KIF21A: variants seen among roughly 807,000 people sequenced by gnomAD.
KIF21A encodes the protein kinesin family member 21A, also known as kinesin-like protein KIF21A.
In KIF21A, 114 loss-of-function variants were observed where a neutral mutation model predicts 202.9. The ratio of observed to expected loss-of-function variants is 0.56; its 90% CI spans 0.48 to 0.66. The LOEUF is 0.66. KIF21A is among the 30% of genes least tolerant of loss of function. The pLI is 0.00. For synonymous variants in KIF21A, 667 were observed against 670.8 expected (o/e 0.99, Z 0.09); for missense variants, 1,677 against 1,994.9 (o/e 0.84, Z 3.04).
At chr12:39,303,251 A>T in intron 35 of KIF21A, 116 bp from the exon 36 acceptor site, 1 of 828,570 alleles carries the variant, frequency 1.2e-6, no homozygotes. Context: ...TTGTTTTGTT[A>T]TCTATTGTTT....
chr12:39,340,665 A>G (rs1947365644), intron 15 of KIF21A, among the ~76,000 whole-genome samples: 1 of 152,166 alleles, frequency 6.6e-6, no homozygotes, highest in South Asian at 2.1e-4. Flanking sequence ...ATGAAAAAAC[A>G]AAACAAATAA....
chr12:39,434,241 G>A (rs1033559770), intron 1 of KIF21A, among the ~76,000 whole-genome samples: 3 of 152,150 alleles, frequency 2.0e-5, no homozygotes, highest in Non-Finnish European at 2.9e-5. Flanking sequence ...GAGAACAAGA[G>A]GGGACTAAAC....
intron 15 of KIF21A, 111 bp from the exon 16 acceptor site, chr12:39,340,475 C>T (rs1050757895): frequency 5.3e-6 from 4 of 752,998 alleles, no homozygotes; most frequent in African/African-American, 5.3e-5. Flanking sequence ...ACACCCACAT[C>T]TCAGAAGACT....
At chr12:39,427,859 A>G (rs1463587051) in intron 1 of KIF21A, among the ~76,000 whole-genome samples, 1 of 152,132 alleles carries the variant, frequency 6.6e-6, no homozygotes, top group African/African-American at 2.4e-5. Context: ...GGGTTTCACC[A>G]TGTTGGCCAG....
chr12:39,347,808 T>A (rs1440652603), intron 11 of KIF21A, among the ~76,000 whole-genome samples: 1 of 152,054 alleles, frequency 6.6e-6, no homozygotes, highest in East Asian at 1.9e-4. Flanking sequence ...TACAAATCAG[T>A]GCAGTCTGAT....
At chr12:39,415,124 C>G (rs1286836145) in intron 1 of KIF21A, among the ~76,000 whole-genome samples, 1 of 150,672 alleles carries the variant, frequency 6.6e-6, no homozygotes, top group Non-Finnish European at 1.5e-5. Flanking sequence ...TTCAACAGAA[C>G]TGAGTTCCTG....
chr12:39,307,819 G>T, intron 33 of KIF21A, 90 bp from the exon 34 acceptor site: 1 of 1,056,196 alleles, frequency 9.5e-7, no homozygotes, highest in South Asian at 1.3e-5. Context: ...CTGGCTGTAG[G>T]CAACAACAAG....
At chr12:39,434,236 C>T (rs1354685226) in intron 1 of KIF21A, among the ~76,000 whole-genome samples, 1 of 152,128 alleles carries the variant, frequency 6.6e-6, no homozygotes, top group Non-Finnish European at 1.5e-5. Flanking sequence ...CACAAGAGAA[C>T]AAGAGGGGAC....
chr12:39,439,260 C>T (rs549165368), intron 1 of KIF21A, among the ~76,000 whole-genome samples: 1 of 152,236 alleles, frequency 6.6e-6, no homozygotes, highest in East Asian at 1.9e-4. Context: ...TAAATGTATT[C>T]CTCACATTTT....
At chr12:39,352,271 AG>A (rs1259530655) in intron 10 of KIF21A, among the ~76,000 whole-genome samples, 1 of 152,160 alleles carries the variant, frequency 6.6e-6, no homozygotes, top group Non-Finnish European at 1.5e-5. Context: ...GCAATAAGGC[AG>A]GAACATTTTA....
At chr12:39,325,719 T>C in intron 26 of KIF21A, 120 bp downstream of exon 26, 1 of 723,698 alleles carries the variant, frequency 1.4e-6, no homozygotes, top group Non-Finnish European at 2.4e-6. Flanking sequence ...AAAGAAGAGC[T>C]TTAGTAAAAC....
At chr12:39,318,330 T>A in intron 28 of KIF21A, 129 bp from the exon 29 acceptor site, 1 of 879,390 alleles carries the variant, frequency 1.1e-6, no homozygotes, top group South Asian at 1.5e-5. Context: ...TTCTTCCTTT[T>A]TTGTAAGATA....
chr12:39,309,779 C>A lies in KIF21A; in HGVS notation c.4097-13G>T, dbSNP rs777651712. ...TTACAAGTACGATCTAAAACAAACACATAAAAAAAAGAAAACACCATTAAT... is the reference window on the plus strand; with the variant it reads ...TTACAAGTACGATCTAAAACAAACAAATAAAAAAAAGAAAACACCATTAAT... On this transcript the variant is annotated splice_polypyrimidine_tract_variant and intron_variant, in intron 32 of 37. Transcript: ENST00000361418. 1.2e-6 allele frequency: 2 copies of A among 1,608,902 alleles called. No homozygotes were observed. Among genetic ancestry groups the A allele is most frequent in the Non-Finnish European group, 1.7e-6 (2 of 1,177,406 alleles).
rs1491128154 is a variant in KIF21A at position 39,416,603 on chromosome 12, A to ATATATATGTG, written c.44+26323_44+26324insCACATATATA. On this transcript the variant is annotated intron_variant, in intron 1 of 37. Coordinates refer to ENST00000361418, the MANE Select transcript of KIF21A (RefSeq NM_001173464.2). ...AGAGTGAGATCCGCCTTAAATATAC[A>ATATATATGTG]TATATATATATATGTACATATATAT... 9.3e-4 allele frequency among the ~76,000 whole-genome samples: 60 copies of ATATATATGTG among 64,276 alleles called. 1 individual carries two copies. The highest frequency in any genetic ancestry group is 9.1e-3 in the African/African-American group (54 of 5,908). The allele number at this position is 64,276 out of a possible 152,430, so 42.2% of individuals were successfully genotyped here. A position where few individuals can be genotyped will look rare whatever the true frequency, so the allele number is the denominator to read the frequency against.
chr12:39,436,448 A>ATATATATATATATTTT (rs1387332677), intron 1 of KIF21A, among the ~76,000 whole-genome samples: 118 of 95,732 alleles, frequency 1.2e-3, no homozygotes, highest in East Asian at 4.2e-3. Flanking sequence ...ATATATATAT[A>ATATATATATATATTTT]TTTTTTTTTT....
intron 1 of KIF21A, among the ~76,000 whole-genome samples, chr12:39,375,353 C>T (rs190594112): frequency 1.3e-5 from 2 of 152,262 alleles, no homozygotes; most frequent in East Asian, 3.9e-4. Context: ...AGAGGCAATT[C>T]ACCACAACCT....
At chr12:39,382,774 C>G (rs202043549) in intron 1 of KIF21A, among the ~76,000 whole-genome samples, 1 of 150,908 alleles carries the variant, frequency 6.6e-6, no homozygotes, top group Non-Finnish European at 1.5e-5. Context: ...AAACAATTAA[C>G]AAGCCATATT....
intron 1 of KIF21A, among the ~76,000 whole-genome samples, chr12:39,419,109 G>A (rs1592665011): frequency 6.6e-6 from 1 of 152,288 alleles, no homozygotes; most frequent in East Asian, 1.9e-4. Context: ...TGAATGAATG[G>A]CATGAAATGG....
chr12:39,423,551 TA>T (rs59669052), intron 1 of KIF21A, among the ~76,000 whole-genome samples: 229 of 145,490 alleles, frequency 1.6e-3, no homozygotes, highest in East Asian at 0.012. Flanking sequence ...TCATTTTTGT[TA>T]AAAAAAAAAA....
Sources: allele counts gnomAD v4.1 joint callset (sites outside exome capture counted in the v4.1 genomes callset), GRCh38; gene constraint gnomAD v4.1.1; transcripts MANE v1.5; gene names NCBI Gene and HGNC (gene_info 2026-07-23, HGNC 2026-07-21).